The following RUNX1T1 variants were observed in gnomAD, a reference collection of about 807,000 sequenced individuals.
RUNX1T1 encodes the protein protein CBFA2T1.
RUNX1T1 carries 4 observed loss-of-function variants against 62.8 expected under a neutral mutation model. The ratio of observed to expected loss-of-function variants is 0.06; its 90% CI spans 0.03 to 0.15. The LOEUF (loss-of-function observed/expected upper bound fraction) is 0.15. Ranked by LOEUF, RUNX1T1 falls within the 10% of genes least tolerant of loss-of-function variation. The pLI is 1.00. For missense variants in RUNX1T1, 508 were observed against 754.3 expected (o/e 0.67, Z 3.82); for synonymous variants, 291 against 286.0 (o/e 1.02, Z -0.18).
intron 1 of RUNX1T1, among the ~76,000 whole-genome samples, chr8:92,047,091 T>C (rs778909107): frequency 1.1e-4 from 16 of 152,118 alleles, no homozygotes; most frequent in Admixed American, 3.3e-4. Context: ...GTCCTGACAA[T>C]GGCCTTCAAG....
intron 1 of RUNX1T1, among the ~76,000 whole-genome samples, chr8:92,035,514 C>T (rs1455112513): frequency 1.3e-5 from 2 of 151,834 alleles, no homozygotes; most frequent in Non-Finnish European, 2.9e-5. Context: ...ATTTTAAAGG[C>T]GATTTTCTCT....
chr8:92,071,038 C>T (rs549973327), intron 2 of RUNX1T1, among the ~76,000 whole-genome samples: 6 of 152,204 alleles, frequency 3.9e-5, no homozygotes, highest in Non-Finnish European at 8.8e-5. Context: ...ATGGCTCCAT[C>T]TCCAAGCACT....
At chr8:91,959,455 T>C (rs60199955) in exon 11 of RUNX1T1, 33,241 of 134,296 alleles carry the variant, frequency 0.25, 3,005 homozygotes, top group South Asian at 0.46. Flanking sequence ...TGTGTGTGTG[T>C]GTGTGTGTGT....
At chr8:92,004,860 TTCGTCTTCACCATTTCGCTTTA>T (rs1214261033) in intron 5 of RUNX1T1, 9 of 345,436 alleles carry the variant, frequency 2.6e-5, no homozygotes, top group Admixed American at 9.6e-5. Flanking sequence ...AGAAAAATCA[TTCGTCTTCACCATTTCGCTTTA>T]ATACTACAAG....
chr8:92,103,008 G>T, upstream of RUNX1T1: 1 of 1,026,484 alleles, frequency 9.7e-7, no homozygotes, highest in South Asian at 2.3e-5. Flanking sequence ...ACTCGCCCAC[G>T]CGCGCTCGCC....
upstream of RUNX1T1, among the ~76,000 whole-genome samples, chr8:92,101,380 T>C (rs893698456): frequency 9.9e-5 from 15 of 152,082 alleles, no homozygotes; most frequent in African/African-American, 3.4e-4. Flanking sequence ...TTGTCTGGAG[T>C]GGCCTCTCCA....
intron 1 of RUNX1T1, among the ~76,000 whole-genome samples, chr8:92,027,925 A>G (rs1294678827): frequency 1.3e-5 from 2 of 151,816 alleles, no homozygotes; most frequent in Non-Finnish European, 2.9e-5. Flanking sequence ...TGCATGGCAC[A>G]TTTATCTTAT....
intron 8 of RUNX1T1, among the ~76,000 whole-genome samples, chr8:91,976,478 C>A (rs1334492961): frequency 6.6e-6 from 1 of 152,082 alleles, no homozygotes; most frequent in Non-Finnish European, 1.5e-5. Flanking sequence ...ATCTCAGTGA[C>A]CATTAAAATT....
chr8:91,998,730 G>A (rs1230327232), intron 5 of RUNX1T1, among the ~76,000 whole-genome samples: 1 of 152,112 alleles, frequency 6.6e-6, no homozygotes, highest in African/African-American at 2.4e-5. Flanking sequence ...TTCAATTTTT[G>A]CTGCTCCTGC....
At chr8:92,058,969 G>A (rs930404468) in intron 1 of RUNX1T1, among the ~76,000 whole-genome samples, 2 of 152,162 alleles carry the variant, frequency 1.3e-5, no homozygotes, top group Admixed American at 6.5e-5. Flanking sequence ...TGCACAGGAA[G>A]ATGGCCTGTG....
downstream of RUNX1T1, chr8:91,955,930 G>A (rs1273272374): frequency 4.4e-6 from 1 of 229,706 alleles, no homozygotes; most frequent in African/African-American, 2.2e-5. Context: ...CCAGCAAGTT[G>A]GAGATAGCCA....
chr8:92,009,111 C>T (rs1390921837), intron 4 of RUNX1T1, among the ~76,000 whole-genome samples: 1 of 152,146 alleles, frequency 6.6e-6, no homozygotes, highest in Non-Finnish European at 1.5e-5. Flanking sequence ...GGCTTCCACA[C>T]GTGGTACTCA....
intron 1 of RUNX1T1, among the ~76,000 whole-genome samples, chr8:92,024,514 A>G (rs902102844): frequency 6.7e-6 from 1 of 150,072 alleles, no homozygotes; most frequent in African/African-American, 2.4e-5. Context: ...AAAAAAAAAA[A>G]AAAAAAAAAG....
intron 5 of RUNX1T1, chr8:92,003,311 G>A (rs1287752923): frequency 8.8e-6 from 4 of 456,018 alleles, no homozygotes; most frequent in Non-Finnish European, 1.8e-5. Context: ...CCTTAAGACT[G>A]TGCAAGGATA....
chr8:91,982,918 CTTTTTTTT>C (rs56135737), intron 8 of RUNX1T1, among the ~76,000 whole-genome samples: 68 of 59,642 alleles, frequency 1.1e-3, no homozygotes, highest in South Asian at 3.3e-3. Context: ...TAGGAAAATA[CTTTTTTTT>C]TTTTTTTTTT....
At chr8:91,976,289 T>A (rs544537212) in intron 8 of RUNX1T1, among the ~76,000 whole-genome samples, 2 of 152,342 alleles carry the variant, frequency 1.3e-5, no homozygotes, top group East Asian at 3.9e-4. Flanking sequence ...CTTCTATAGA[T>A]ATATTTTGTT....
intron 10 of RUNX1T1, among the ~76,000 whole-genome samples, chr8:91,964,658 C>T (rs1811200419): frequency 6.6e-6 from 1 of 152,060 alleles, no homozygotes; most frequent in Admixed American, 6.6e-5. Flanking sequence ...TTTGATTCAC[C>T]CAGATGTTTG....
At position 92,061,090 on chromosome 8, in the gene RUNX1T1, A is replaced by T. The variant is rs1831962503; in HGVS notation, c.7+1456T>A. 2.6e-5 allele frequency among the ~76,000 whole-genome samples: 4 copies of T among 152,356 alleles called. No individual in the cohort carries two copies. The South Asian group carries it at 8.3e-4, about 32-fold the overall frequency. ...AGGGTGCTTTGAAGCTTAGTTTAAA[A>T]TGATGCAATTAGCTAGAAGTAGCAA... is the stretch of plus-strand genomic sequence containing the variant. On this transcript the variant is annotated intron_variant, in intron 1 of 10. Coordinates refer to ENST00000396218, the Ensembl canonical transcript of RUNX1T1.
At chr8:91,996,512 T>C (rs1239308525) in intron 5 of RUNX1T1, among the ~76,000 whole-genome samples, 1 of 152,180 alleles carries the variant, frequency 6.6e-6, no homozygotes, top group Non-Finnish European at 1.5e-5. Context: ...ATTTGTTTTT[T>C]AAGTCTACCT....
Sources: allele counts gnomAD v4.1 joint callset (sites outside exome capture counted in the v4.1 genomes callset), GRCh38; gene constraint gnomAD v4.1.1; transcripts MANE v1.5; gene names NCBI Gene and HGNC (gene_info 2026-07-23, HGNC 2026-07-21).